Variants in EYS observed in about 807,000 individuals in gnomAD.
EYS encodes protein eyes shut homolog.
A neutral mutation model predicts 282.1 loss-of-function variants in EYS; 250 were observed. That is an observed-to-expected ratio of 0.89 (90% confidence interval 0.80 to 0.98). The LOEUF (loss-of-function observed/expected upper bound fraction) is 0.98. Among genes scored for constraint, EYS ranks in the 50% least tolerant of loss-of-function variants. EYS has a pLI of 0.00. For synonymous variants in EYS, 1,355 were observed against 1,282.9 expected (o/e 1.06, Z -1.20); for missense variants, 4,016 against 3,709.0 (o/e 1.08, Z -2.15).
rs544489444 is a variant in EYS, at chr6:65,347,191, TAAGAG to T, written c.1460-3019_1460-3015del. On this transcript the variant is annotated intron_variant, in intron 9 of 42. Coordinates refer to ENST00000503581, the MANE Select transcript of EYS (RefSeq NM_001142800.2). ...TCCAATTCTAAAATTTTTACCAGGC[TAAGAG>T]GAGAAAAATTATATACTTACAGTGT... is the stretch of plus-strand genomic sequence containing the variant. 3.3e-5 allele frequency among the ~76,000 whole-genome samples: 5 copies of T among 151,926 alleles called. No homozygotes were observed. The South Asian group carries it at 1.0e-3, about 31-fold the overall frequency.
chr6:64,017,212 A>T lies in EYS; in HGVS notation c.6726-18029T>A, dbSNP rs117305770. 1.6e-3 allele frequency among the ~76,000 whole-genome samples: 249 copies of T among 152,134 alleles called. 2 individuals are homozygous for T. In the East Asian group the frequency reaches 0.036, roughly 22 times the overall value. On this transcript the variant is annotated intron_variant, in intron 33 of 42. Coordinates refer to ENST00000503581, the MANE Select transcript of EYS (RefSeq NM_001142800.2). ...AGTAACAGGAAGGAGAGGGAGGCAT[A>T]CTACCACACCCTGTAGTGTTGGTGG...
At chr6:64,804,547 A>C (rs1764365556) in intron 22 of EYS, among the ~76,000 whole-genome samples, 1 of 152,112 alleles carries the variant, frequency 6.6e-6, no homozygotes, top group Non-Finnish European at 1.5e-5. Flanking sequence ...TAAATTGTCT[A>C]CTTTTTTTTC....
At chr6:65,162,784 T>C (rs1764880854) in intron 12 of EYS, among the ~76,000 whole-genome samples, 1 of 151,056 alleles carries the variant, frequency 6.6e-6, no homozygotes, top group African/African-American at 2.4e-5. Flanking sequence ...AAATGAGACA[T>C]TTCTTTTTGA....
chr6:65,599,445 G>A lies in EYS; in HGVS notation c.-333+40333C>T, dbSNP rs796916817. Among the ~76,000 whole-genome samples the A allele has an allele frequency of 8.5e-5, 13 of 152,050 alleles. 1 individual carries two copies. The highest frequency in any genetic ancestry group is 1.7e-4 in the African/African-American group (7 of 41,520). ...TGTTCTTCATCTTGCTATCCCAACC[G>A]TCAGGTCCAAGACTTTGTATTATCT... On this transcript the variant is annotated intron_variant, in intron 2 of 42. Coordinates refer to ENST00000503581, the MANE Select transcript of EYS (RefSeq NM_001142800.2).
chr6:65,673,375 A>T (rs950051998), intron 1 of EYS, among the ~76,000 whole-genome samples: 7 of 152,106 alleles, frequency 4.6e-5, no homozygotes, highest in African/African-American at 1.7e-4. Flanking sequence ...AGCATTTGTC[A>T]TATACAATGA....
At chr6:64,784,744 T>C (rs1230028201) in intron 22 of EYS, among the ~76,000 whole-genome samples, 1 of 152,186 alleles carries the variant, frequency 6.6e-6, no homozygotes, top group African/African-American at 2.4e-5. Flanking sequence ...TCACACAGAC[T>C]GGCATTTTCA....
At chr6:65,429,108 A>G (rs964145132) in intron 5 of EYS, among the ~76,000 whole-genome samples, 8 of 151,754 alleles carry the variant, frequency 5.3e-5, no homozygotes, top group Non-Finnish European at 1.0e-4. Flanking sequence ...TGAACCCAGG[A>G]GGCGGGGGTT....
chr6:64,710,852 T>G (rs1274323419), intron 22 of EYS, among the ~76,000 whole-genome samples: 1 of 152,226 alleles, frequency 6.6e-6, no homozygotes, highest in East Asian at 1.9e-4. Context: ...GGAGATAGTT[T>G]GAATTATGGT....
chr6:64,832,413 T>G (rs143756339), intron 19 of EYS, among the ~76,000 whole-genome samples: 93 of 151,936 alleles, frequency 6.1e-4, no homozygotes, highest in Admixed American at 4.5e-3. Flanking sequence ...TAGACACAGA[T>G]AGTAGAATGG....
chr6:64,617,275 A>G (rs1767304002), intron 24 of EYS, 143 bp downstream of exon 24: 1 of 613,556 alleles, frequency 1.6e-6, no homozygotes, highest in East Asian at 2.8e-5. Flanking sequence ...AATGCCGAGA[A>G]AAGTGTAGCG....
chr6:64,563,761 C>T (rs535044580), intron 26 of EYS, among the ~76,000 whole-genome samples: 83 of 151,920 alleles, frequency 5.5e-4, no homozygotes, highest in Middle Eastern at 6.9e-3. Context: ...ATCAAACAGT[C>T]ACAAGTAATG....
chr6:65,279,291 C>A (rs1182485167), intron 12 of EYS, among the ~76,000 whole-genome samples: 1 of 152,016 alleles, frequency 6.6e-6, no homozygotes, highest in African/African-American at 2.4e-5. Context: ...TTCTCCCTGA[C>A]TTTCTCATAG....
At chr6:65,102,275 G>A (rs1370255163) in intron 12 of EYS, among the ~76,000 whole-genome samples, 1 of 151,166 alleles carries the variant, frequency 6.6e-6, no homozygotes, top group Admixed American at 6.6e-5. Context: ...AAAGCAAAAT[G>A]ACTTACATTA....
intron 2 of EYS, among the ~76,000 whole-genome samples, chr6:65,557,782 G>C (rs1321085374): frequency 2.0e-5 from 3 of 152,290 alleles, no homozygotes; most frequent in East Asian, 3.9e-4. Context: ...AAAAGGCAGA[G>C]AGGAGTTTTA....
chr6:63,731,751 T>A (rs1768787652), intron 41 of EYS, among the ~76,000 whole-genome samples: 1 of 152,228 alleles, frequency 6.6e-6, no homozygotes, highest in Non-Finnish European at 1.5e-5. Flanking sequence ...AGATAGCTAA[T>A]ATTTTTCAAA....
chr6:64,629,986 G>C (rs1266420395), intron 22 of EYS, among the ~76,000 whole-genome samples: 1 of 152,204 alleles, frequency 6.6e-6, no homozygotes, highest in Non-Finnish European at 1.5e-5. Flanking sequence ...ATCTGAAGGA[G>C]AAAGGGTTTA....
At chr6:65,226,477 C>T (rs748970158) in intron 12 of EYS, among the ~76,000 whole-genome samples, 10 of 152,056 alleles carry the variant, frequency 6.6e-5, no homozygotes, top group Non-Finnish European at 1.2e-4. Context: ...GGGACTTGAA[C>T]GGACATTTCT....
intron 31 of EYS, among the ~76,000 whole-genome samples, chr6:64,172,005 C>A (rs78183099): frequency 2.6e-5 from 4 of 152,042 alleles, no homozygotes; most frequent in Non-Finnish European, 5.9e-5. Flanking sequence ...CCAGGACCTA[C>A]CCCTGGGTCA....
chr6:65,066,749 T>G (rs964615584), intron 12 of EYS, among the ~76,000 whole-genome samples: 1 of 152,140 alleles, frequency 6.6e-6, no homozygotes, highest in Non-Finnish European at 1.5e-5. Flanking sequence ...TTAGTAGACA[T>G]TTGCTAATCA....
Sources: gnomAD v4.1 joint callset for allele counts (sites outside exome capture counted in the v4.1 genomes callset) on GRCh38, gnomAD v4.1.1 for gene constraint, MANE v1.5 for transcripts, NCBI Gene and HGNC (gene_info 2026-07-23, HGNC 2026-07-21) for gene names.